The following TENM1 variants were observed in gnomAD, a reference collection of about 807,000 sequenced individuals.
The protein encoded by TENM1 is teneurin-1.
Under a neutral mutation model 174.8 loss-of-function variants are expected in TENM1, and 35 were observed. That is an observed-to-expected ratio of 0.20 (90% confidence interval 0.15 to 0.27). The LOEUF (loss-of-function observed/expected upper bound fraction) is 0.27. TENM1 is among the 10% of genes least tolerant of loss of function. The pLI is 1.00. For missense variants in TENM1, 1,633 were observed against 2,130.1 expected (o/e 0.77, Z 4.59); for synonymous variants, 781 against 798.7 (o/e 0.98, Z 0.37).
intron 3 of TENM1, among the ~76,000 whole-genome samples, chrX:124,819,204 T>C (rs144887518): frequency 8.2e-4 from 92 of 112,177 alleles, no homozygotes; most frequent in African/African-American, 2.8e-3. Flanking sequence ...TTGAAATTCA[T>C]CTGAATTTCA....
the TENM1 span, among the ~76,000 whole-genome samples, chrX:125,066,252 T>A: frequency 3.6e-5 from 4 of 111,594 alleles, no homozygotes; most frequent in African/African-American, 1.3e-4. Context: ...ATGGATCATT[T>A]ATGCCTGGGT....
At chrX:124,718,925 C>T (rs1237933202) in intron 4 of TENM1, among the ~76,000 whole-genome samples, 1 of 111,588 alleles carries the variant, frequency 9.0e-6, no homozygotes, top group Non-Finnish European at 1.9e-5. Flanking sequence ...TTTTGGTTAT[C>T]ACAACTTGGG....
intron 3 of TENM1, among the ~76,000 whole-genome samples, chrX:124,778,653 T>A (rs2054838499): frequency 1.8e-5 from 2 of 112,296 alleles, no homozygotes; most frequent in Admixed American, 1.9e-4. Flanking sequence ...AAGAAGGAAT[T>A]TCATCTGTCA....
chrX:124,867,910 C>G (rs1050110331), intron 3 of TENM1, among the ~76,000 whole-genome samples: 1 of 111,202 alleles, frequency 9.0e-6, no homozygotes, highest in African/African-American at 3.3e-5. Context: ...ATAAAATACC[C>G]AGGAATTAAT....
chrX:124,645,598 G>C (rs1354233616), intron 9 of TENM1, among the ~76,000 whole-genome samples: 1 of 111,780 alleles, frequency 8.9e-6, no homozygotes, highest in African/African-American at 3.2e-5. Flanking sequence ...AACTGTTATT[G>C]TTATTATTTT....
chrX:124,685,185 C>T (rs760260097), intron 5 of TENM1, among the ~76,000 whole-genome samples: 3 of 111,023 alleles, frequency 2.7e-5, no homozygotes, highest in Non-Finnish European at 5.7e-5. Context: ...CACCTGTAAC[C>T]AACCCTAAAA....
chrX:125,004,565 C>A, the TENM1 span, among the ~76,000 whole-genome samples: 353 of 112,185 alleles, frequency 3.1e-3, no homozygotes, highest in Middle Eastern at 9.3e-3. Flanking sequence ...ACTTTACATA[C>A]AAACAGCATA....
At chrX:124,981,108 T>C in the TENM1 span, among the ~76,000 whole-genome samples, 1 of 111,739 alleles carries the variant, frequency 8.9e-6, no homozygotes, top group African/African-American at 3.2e-5. Context: ...CACACAATAT[T>C]ATAATTTATA....
intron 8 of TENM1, among the ~76,000 whole-genome samples, chrX:124,647,217 T>C (rs536587288): frequency 3.6e-5 from 4 of 111,907 alleles, no homozygotes; most frequent in African/African-American, 1.3e-4. Context: ...CAAATTTAGG[T>C]TTTAGCAAAT....
At chrX:124,836,738 T>A (rs7050914) in intron 3 of TENM1, among the ~76,000 whole-genome samples, 4,105 of 112,353 alleles carry the variant, frequency 0.037, 102 homozygotes, top group African/African-American at 0.081. Flanking sequence ...CTCTACATTC[T>A]TAGATGATGA....
At chrX:125,142,842 T>C in the TENM1 span, among the ~76,000 whole-genome samples, 5 of 111,651 alleles carry the variant, frequency 4.5e-5, no homozygotes, top group East Asian at 5.6e-4. Flanking sequence ...CCAAAGGAAA[T>C]AGCAGTGAGA....
At chrX:124,523,487 T>C (rs1464449050) in exon 17 of TENM1, 1 of 1,211,579 alleles carries the variant, frequency 8.3e-7, no homozygotes, top group Non-Finnish European at 1.1e-6. Context: ...GCGGGTCTGA[T>C]ACAACTCTCT....
At chrX:125,060,346 A>C in the TENM1 span, among the ~76,000 whole-genome samples, 1 of 110,821 alleles carries the variant, frequency 9.0e-6, no homozygotes. Flanking sequence ...AGGATCAAAG[A>C]GTTTAAGTGA....
intron 1 of TENM1, among the ~76,000 whole-genome samples, chrX:124,932,294 T>C (rs371530303): frequency 3.0e-4 from 34 of 112,103 alleles, no homozygotes; most frequent in African/African-American, 1.0e-3. Context: ...AATAGTGAGA[T>C]AGAAGGAATT....
At chrX:124,647,060 T>C (rs2051178549) in intron 8 of TENM1, among the ~76,000 whole-genome samples, 1 of 111,385 alleles carries the variant, frequency 9.0e-6, no homozygotes, top group Non-Finnish European at 1.9e-5. Flanking sequence ...TCATTATCTC[T>C]AAAGCACATA....
the TENM1 span, among the ~76,000 whole-genome samples, chrX:125,097,814 A>G: frequency 1.8e-5 from 2 of 112,409 alleles, no homozygotes; most frequent in African/African-American, 6.5e-5. Flanking sequence ...TAAGTCACTA[A>G]TTCAGCAAAT....
At chrX:125,124,078 A>G in the TENM1 span, among the ~76,000 whole-genome samples, 3 of 112,348 alleles carry the variant, frequency 2.7e-5, no homozygotes, top group Middle Eastern at 4.6e-3. Flanking sequence ...GTTGTTCTGA[A>G]GTTGCCATTA....
intron 3 of TENM1, among the ~76,000 whole-genome samples, chrX:124,830,591 A>G (rs1292733261): frequency 8.9e-6 from 1 of 111,856 alleles, no homozygotes; most frequent in African/African-American, 3.3e-5. Context: ...CATGTGAGAT[A>G]CTTGGTGATC....
chrX:124,744,768 A>C (rs2053876643), intron 3 of TENM1, among the ~76,000 whole-genome samples: 1 of 112,070 alleles, frequency 8.9e-6, no homozygotes, highest in Admixed American at 9.5e-5. Context: ...GTATCATTTA[A>C]TGAATTAGCT....
Sources: gnomAD v4.1 joint callset for allele counts (sites outside exome capture counted in the v4.1 genomes callset) on GRCh38, gnomAD v4.1.1 for gene constraint, MANE v1.5 for transcripts, NCBI Gene and HGNC (gene_info 2026-07-23, HGNC 2026-07-21) for gene names.